SMIM10L3: variants seen among roughly 807,000 people sequenced by gnomAD.
SMIM10L3 encodes the protein small integral membrane protein 10 like 3.
chr7:6,342,332 C>G, the SMIM10L3 span, among the ~76,000 whole-genome samples: 1 of 151,850 alleles, frequency 6.6e-6, no homozygotes, highest in African/African-American at 2.4e-5. Context: ...ATCTCTTGAG[C>G]CCAGGAGCTG....
chr7:6,337,001 G>A, the SMIM10L3 span, among the ~76,000 whole-genome samples: 1 of 151,852 alleles, frequency 6.6e-6, no homozygotes, highest in Non-Finnish European at 1.5e-5. Flanking sequence ...AATGTGCTAA[G>A]TATGAACATT....
the SMIM10L3 span, among the ~76,000 whole-genome samples, chr7:6,342,539 A>C: frequency 7.1e-6 from 1 of 141,566 alleles, no homozygotes; most frequent in African/African-American, 3.0e-5. Context: ...ACTCTGTCTC[A>C]AAAAAAAAAG....
the SMIM10L3 span, among the ~76,000 whole-genome samples, chr7:6,343,499 T>A: frequency 6.9e-6 from 1 of 145,582 alleles, no homozygotes; most frequent in African/African-American, 2.6e-5. Context: ...AACTGAAAAG[T>A]TGTAGGCATG....
the SMIM10L3 span, among the ~76,000 whole-genome samples, chr7:6,347,814 G>A: frequency 6.6e-6 from 1 of 151,474 alleles, no homozygotes; most frequent in Non-Finnish European, 1.5e-5. Context: ...CCAGCACTGG[G>A]AGGCCAAGAT....
At chr7:6,332,407 C>T in the SMIM10L3 span, among the ~76,000 whole-genome samples, 58,336 of 152,074 alleles carry the variant, frequency 0.38, 14,528 homozygotes, top group African/African-American at 0.7. Flanking sequence ...TATCTGTAAA[C>T]TCACTTTTGA....
At chr7:6,331,025 G>C in the SMIM10L3 span, 8 of 1,614,086 alleles carry the variant, frequency 5.0e-6, no homozygotes, top group South Asian at 1.1e-5. Flanking sequence ...ATCCAGGAGG[G>C]TGCATCTGCA....
chr7:6,336,091 T>G, the SMIM10L3 span, among the ~76,000 whole-genome samples: 1 of 150,716 alleles, frequency 6.6e-6, no homozygotes, highest in Admixed American at 6.6e-5. Flanking sequence ...GACAATCGTT[T>G]GAACCTGGGA....
At chr7:6,330,043 G>C in the SMIM10L3 span, 1 of 286,850 alleles carries the variant, frequency 3.5e-6, no homozygotes, top group Admixed American at 5.0e-5. Flanking sequence ...CACAGGATTT[G>C]GGACAGTAGC....
chr7:6,347,032 A>G, the SMIM10L3 span, among the ~76,000 whole-genome samples: 2 of 152,176 alleles, frequency 1.3e-5, no homozygotes, highest in Non-Finnish European at 2.9e-5. Flanking sequence ...TTCCACTAGA[A>G]AAAGTCATCT....
the SMIM10L3 span, among the ~76,000 whole-genome samples, chr7:6,337,096 GTC>G: frequency 2.7e-5 from 4 of 148,100 alleles, no homozygotes; most frequent in Non-Finnish European, 4.5e-5. Flanking sequence ...TGAGACAAGA[GTC>G]TCTCTCTGTC....
At chr7:6,338,619 T>C in the SMIM10L3 span, 6 of 152,222 alleles carry the variant, frequency 3.9e-5, no homozygotes, top group Non-Finnish European at 8.8e-5. Context: ...TGTCCAGGTA[T>C]ACCCGATCCT....
the SMIM10L3 span, among the ~76,000 whole-genome samples, chr7:6,345,827 A>T: frequency 7.9e-5 from 12 of 151,640 alleles, no homozygotes; most frequent in African/African-American, 2.9e-4. Flanking sequence ...GGAGTGCAGT[A>T]GGGTGATCTT....
At chr7:6,332,566 T>C in the SMIM10L3 span, among the ~76,000 whole-genome samples, 1 of 151,412 alleles carries the variant, frequency 6.6e-6, no homozygotes, top group Non-Finnish European at 1.5e-5. Flanking sequence ...GCTTATAAAC[T>C]CAGCAGCTAT....
the SMIM10L3 span, among the ~76,000 whole-genome samples, chr7:6,333,991 C>T: frequency 3.3e-5 from 5 of 151,290 alleles, no homozygotes; most frequent in Admixed American, 6.6e-5. Context: ...GGACTACAGG[C>T]ACCCGCCACC....
At chr7:6,333,906 G>A in the SMIM10L3 span, among the ~76,000 whole-genome samples, 4 of 146,918 alleles carry the variant, frequency 2.7e-5, no homozygotes, top group South Asian at 6.6e-4. Flanking sequence ...GAGTGCAGTG[G>A]CGCCATCTCA....
chr7:6,333,988 A>G, the SMIM10L3 span, among the ~76,000 whole-genome samples: 1 of 151,268 alleles, frequency 6.6e-6, no homozygotes, highest in African/African-American at 2.4e-5. Flanking sequence ...CTGGGACTAC[A>G]GGCACCCGCC....
At chr7:6,334,296 G>A in the SMIM10L3 span, among the ~76,000 whole-genome samples, 1 of 151,362 alleles carries the variant, frequency 6.6e-6, no homozygotes, top group Non-Finnish European at 1.5e-5. Context: ...AGCACTTGGG[G>A]AGGCCTAGCT....
At chr7:6,346,981 A>G in the SMIM10L3 span, among the ~76,000 whole-genome samples, 1 of 152,182 alleles carries the variant, frequency 6.6e-6, no homozygotes, top group African/African-American at 2.4e-5. Context: ...GGACTTGGCC[A>G]GCTTTCTTTG....
At chr7:6,331,188 C>G in the SMIM10L3 span, 4 of 1,584,890 alleles carry the variant, frequency 2.5e-6, no homozygotes, top group Non-Finnish European at 2.6e-6. Context: ...GGCCTGAGGT[C>G]ACGCCTTCGT....
Sources: gnomAD v4.1 joint callset for allele counts (sites outside exome capture counted in the v4.1 genomes callset) on GRCh38, gnomAD v4.1.1 for gene constraint, MANE v1.5 for transcripts, NCBI Gene and HGNC (gene_info 2026-07-23, HGNC 2026-07-21) for gene names.